CDK15: variants seen among roughly 807,000 people sequenced by gnomAD.
CDK15 encodes cyclin dependent kinase 15, also known as cyclin-dependent kinase 15.
CDK15 carries 62 observed loss-of-function variants against 60.3 expected under a neutral mutation model. The ratio of observed to expected loss-of-function variants is 1.03; its 90% CI spans 0.84 to 1.27. The LOEUF (loss-of-function observed/expected upper bound fraction) is 1.27, where lower values mean the gene tolerates loss of function less well. CDK15 is among the 50% of genes most tolerant of loss of function. CDK15 has a pLI of 0.00. For missense variants in CDK15, 541 were observed against 527.8 expected, an observed-to-expected ratio of 1.03 and a Z score of -0.25; for synonymous variants, 194 against 195.7, an observed-to-expected ratio of 0.99 and a Z score of 0.07.
At chr2:201,878,752 G>A (rs1044165580) in intron 11 of CDK15, among the ~76,000 whole-genome samples, 11 of 152,204 alleles carry the variant, frequency 7.2e-5, no homozygotes, top group Admixed American at 3.9e-4. Context: ...CAGCAGCTTA[G>A]GTGTTGGGCA....
At chr2:201,814,414 G>A (rs530981826) in intron 4 of CDK15, among the ~76,000 whole-genome samples, 1 of 152,160 alleles carries the variant, frequency 6.6e-6, no homozygotes, top group Non-Finnish European at 1.5e-5. Context: ...ACACATTGGA[G>A]GTTGTTAGGA....
chr2:201,875,508 T>C (rs571880924), intron 11 of CDK15, among the ~76,000 whole-genome samples: 46 of 152,314 alleles, frequency 3.0e-4, no homozygotes, highest in African/African-American at 9.9e-4. Flanking sequence ...TTTGAGAATA[T>C]TTGTTACAGC....
At chr2:201,871,065 C>T (rs1698835225) in intron 10 of CDK15, among the ~76,000 whole-genome samples, 1 of 152,144 alleles carries the variant, frequency 6.6e-6, no homozygotes, top group Non-Finnish European at 1.5e-5. Context: ...TTTATTATCA[C>T]CTATTTTGGA....
intron 12 of CDK15, among the ~76,000 whole-genome samples, chr2:201,888,180 A>G (rs1204850652): frequency 6.6e-6 from 1 of 152,082 alleles, no homozygotes; most frequent in Non-Finnish European, 1.5e-5. Flanking sequence ...CTGAGCCTTC[A>G]GGTTATCAGC....
Position 201,873,251 on chromosome 2 carries a change from A to G in CDK15, c.1058+925A>G, listed in dbSNP as rs1471649075. On this transcript the variant is annotated intron_variant, in intron 11 of 13. Coordinates refer to ENST00000652192, the MANE Select transcript of CDK15 (RefSeq NM_001366386.2). ...TAGGAACATAGAACTATGGACTACC[A>G]GAGATCTTTCACTGGGAGGGACAGG... 2.6e-5 allele frequency among the ~76,000 whole-genome samples: 4 copies of G among 152,214 alleles called. No homozygotes were observed. The East Asian group carries it at 7.7e-4, about 29-fold the overall frequency.
At chr2:201,834,737 C>T (rs1013949426) in intron 7 of CDK15, among the ~76,000 whole-genome samples, 2 of 152,148 alleles carry the variant, frequency 1.3e-5, no homozygotes, top group African/African-American at 4.8e-5. Context: ...AAAACTGGCT[C>T]TATGTGAGCT....
At chr2:201,855,894 C>T (rs181771664) in intron 10 of CDK15, among the ~76,000 whole-genome samples, 32 of 148,602 alleles carry the variant, frequency 2.2e-4, no homozygotes, top group Admixed American at 1.4e-3. Flanking sequence ...GGCACGATCT[C>T]GGCTCACTGC....
intron 10 of CDK15, among the ~76,000 whole-genome samples, chr2:201,860,477 A>T (rs1698343121): frequency 6.6e-6 from 1 of 152,228 alleles, no homozygotes; most frequent in Non-Finnish European, 1.5e-5. Context: ...ACTTTTAAAG[A>T]AATATCTGCT....
chr2:201,806,536 C>T (rs1695517337), upstream of CDK15: 1 of 1,092,470 alleles, frequency 9.2e-7, no homozygotes, highest in Admixed American at 2.9e-5. Flanking sequence ...CTGCTCCAGG[C>T]AGAGCCATCA....
chr2:201,833,848 C>G lies in CDK15; in HGVS notation c.607C>G (p.Leu203Val), dbSNP rs1419007633. 2 of 1,613,216 alleles carry G rather than the reference C, an allele frequency of 1.2e-6. No homozygotes were observed. Among genetic ancestry groups the G allele is most frequent in the South Asian group, 2.2e-5 (2 of 90,982 alleles). ...PGGLHPHNVR[L>V]FMFQLLRGLA... ...TATGGATAGTGTTTCTTCCTTCCAG[C>G]TTTTCATGTTTCAACTTTTGCGGGG... is the stretch of plus-strand genomic sequence containing the variant. Residue 203 changes from leucine (L) to valine (V), a missense_variant and splice_region_variant, in exon 7 of 14, where the codon CTT becomes GTT. Coordinates refer to ENST00000652192, the MANE Select transcript of CDK15 (RefSeq NM_001366386.2).
At chr2:201,834,524 A>G (rs942508042) in intron 7 of CDK15, among the ~76,000 whole-genome samples, 1 of 152,324 alleles carries the variant, frequency 6.6e-6, no homozygotes, top group East Asian at 1.9e-4. Context: ...AATTATATTC[A>G]CACACATAAA....
chr2:201,887,325 T>C (rs958932822), intron 12 of CDK15, among the ~76,000 whole-genome samples: 1 of 152,196 alleles, frequency 6.6e-6, no homozygotes, highest in African/African-American at 2.4e-5. Flanking sequence ...TGAAAGGTAG[T>C]GTACAAAATA....
At chr2:201,883,930 T>A (rs781593565) in intron 12 of CDK15, among the ~76,000 whole-genome samples, 1 of 152,238 alleles carries the variant, frequency 6.6e-6, no homozygotes, top group Non-Finnish European at 1.5e-5. Flanking sequence ...AAAGGAACAC[T>A]GTTTAATGAT....
Position 201,823,666 on chromosome 2 carries a change from A to G in CDK15, c.545A>G (p.His182Arg), listed in dbSNP as rs767348456. ...ETLTFVFEYMHTDLAQYMSQH... is the reference protein window; with the variant it reads ...ETLTFVFEYMRTDLAQYMSQH... ...CTCTTTCTCCGCTGTTTTATTTAGC[A>G]CACAGACCTGGCCCAGTATATGTCT... Residue 182 changes from histidine to arginine, a missense_variant and splice_region_variant, in exon 6 of 14, where the codon CAC (histidine) becomes CGC (arginine). Physicochemically the swap from His to Arg is conservative, Grantham distance 29. Coordinates refer to ENST00000652192, the MANE Select transcript of CDK15 (RefSeq NM_001366386.2). 4.3e-6 allele frequency: 7 copies of G among 1,613,706 alleles called. No individual in the cohort carries two copies. The highest frequency in any genetic ancestry group is 3.3e-5 in the Admixed American group (2 of 59,990).
At chr2:201,886,327 A>AT (rs55721501) in intron 12 of CDK15, among the ~76,000 whole-genome samples, 1,698 of 141,456 alleles carry the variant, frequency 0.012, 11 homozygotes, top group East Asian at 0.027. Flanking sequence ...GGGTTTTAAG[A>AT]TTTTTTTTTT....
chr2:201,853,241 G>A (rs968993173), intron 9 of CDK15, among the ~76,000 whole-genome samples: 2 of 152,206 alleles, frequency 1.3e-5, no homozygotes, highest in African/African-American at 4.8e-5. Flanking sequence ...GCTCAGGGTG[G>A]TTGATAGGAA....
intron 9 of CDK15, among the ~76,000 whole-genome samples, chr2:201,853,169 AAAG>A (rs1697987322): frequency 6.6e-6 from 1 of 152,194 alleles, no homozygotes; most frequent in Non-Finnish European, 1.5e-5. Context: ...TTCTCCCACA[AAAG>A]AAGAATTAGT....
At chr2:201,822,691 C>A (rs559578532) in intron 4 of CDK15, 118 bp from the exon 5 acceptor site, 2 of 569,670 alleles carry the variant, frequency 3.5e-6, no homozygotes, top group East Asian at 2.8e-5. Context: ...TGTTTTCCAG[C>A]AGTAAAATAA....
At chr2:201,853,051 G>A (rs1697982445) in intron 9 of CDK15, among the ~76,000 whole-genome samples, 1 of 152,146 alleles carries the variant, frequency 6.6e-6, no homozygotes, top group Non-Finnish European at 1.5e-5. Flanking sequence ...AGCCAACAGA[G>A]GATGTATGGG....
Sources: allele counts gnomAD v4.1 joint callset (sites outside exome capture counted in the v4.1 genomes callset), GRCh38; gene constraint gnomAD v4.1.1; transcripts MANE v1.5; gene names NCBI Gene and HGNC (gene_info 2026-07-23, HGNC 2026-07-21).